The following TENM4 variants were observed in gnomAD, a reference collection of about 807,000 sequenced individuals.
The protein encoded by TENM4 is teneurin-4.
A neutral mutation model predicts 243.3 loss-of-function variants in TENM4; 82 were observed. That is an observed-to-expected ratio of 0.34 (90% CI 0.28 to 0.40). The LOEUF (loss-of-function observed/expected upper bound fraction) is 0.40, where lower values mean the gene tolerates loss of function less well. Among genes scored for constraint, TENM4 ranks in the 10% least tolerant of loss-of-function variants. The pLI is 1.00. For missense variants in TENM4, 3,138 were observed against 3,673.3 expected (o/e 0.85, Z 3.77); for synonymous variants, 1,412 against 1,456.3 (o/e 0.97, Z 0.69).
Position 78,855,986 on chromosome 11 carries a change from C to T in TENM4, c.1448G>A (p.Gly483Asp). Residue 483 changes from glycine (G) to aspartate (D), a missense_variant, in exon 11 of 34, where the codon GGC becomes GAC. By Grantham distance (94) the Gly-to-Asp change is moderately conservative. This residue lies in a region of TENM4 where 2,467 missense variants were observed against 3,059.1 expected (regional missense o/e 0.81). Transcript: ENST00000278550. ...AALVGIYGRK[G>D]LPPSHTQFDF... ...TACCTGTGTATGTGAAGGAGGGAGG[C>T]CTTTTCTGCCATAAATGCCAACCAG... 1 of 1,551,562 alleles carries T rather than the reference C, an allele frequency of 6.4e-7. No homozygotes were observed. Among genetic ancestry groups the T allele is most frequent in the Non-Finnish European group, 8.7e-7 (1 of 1,146,986 alleles).
At chr11:79,208,137 G>A (rs1863886008) in intron 3 of TENM4, among the ~76,000 whole-genome samples, 1 of 152,116 alleles carries the variant, frequency 6.6e-6, no homozygotes, top group African/African-American at 2.4e-5. Flanking sequence ...GTCTCTCAGA[G>A]CACGGGTCAT....
chr11:78,670,722 T>A (rs562015027), intron 31 of TENM4, among the ~76,000 whole-genome samples, 171 bp from the exon 32 acceptor site: 4 of 152,330 alleles, frequency 2.6e-5, no homozygotes, highest in African/African-American at 9.6e-5. Context: ...TGTCACGGGA[T>A]ACTGCAAATA....
intron 1 of TENM4, among the ~76,000 whole-genome samples, chr11:79,315,776 A>AT (rs1181208421): frequency 6.6e-6 from 1 of 152,268 alleles, no homozygotes; most frequent in Non-Finnish European, 1.5e-5. Context: ...GAGCTGTGAA[A>AT]TTAACTTAGA....
At chr11:78,893,608 G>C (rs1346588419) in intron 7 of TENM4, among the ~76,000 whole-genome samples, 6 of 151,948 alleles carry the variant, frequency 3.9e-5, no homozygotes, top group Admixed American at 1.3e-4. Flanking sequence ...GCTTTCCTCT[G>C]CCTCCCTCAA....
At chr11:79,343,351 G>T (rs1857273131) in intron 1 of TENM4, among the ~76,000 whole-genome samples, 1 of 152,178 alleles carries the variant, frequency 6.6e-6, no homozygotes, top group African/African-American at 2.4e-5. Context: ...AAGCAGCTTG[G>T]CCTACGGTTT....
At chr11:78,730,510 T>A (rs1442234150) in intron 21 of TENM4, among the ~76,000 whole-genome samples, 1 of 152,114 alleles carries the variant, frequency 6.6e-6, no homozygotes, top group East Asian at 1.9e-4. Context: ...CAGTGCCAGA[T>A]GGACAGAGTG....
chr11:78,903,397 G>A lies in TENM4; in HGVS notation c.620C>T (p.Pro207Leu). Residue 207 changes from proline (P) to leucine (L), a missense_variant, in exon 7 of 34, where the codon CCG becomes CTG. Pro to Leu is a moderately conservative substitution (Grantham distance 98). Around this residue, in one of 2 missense-constraint regions of TENM4, gnomAD observed 671 missense variants for 614.1 expected, o/e 1.09. Coordinates refer to ENST00000278550, the MANE Select transcript of TENM4 (RefSeq NM_001098816.3). ...INSLNRGNFTPRSNPSPAPTD... is the reference protein window; with the variant it reads ...INSLNRGNFTLRSNPSPAPTD... ...GGGGGCCGGGCTGGGGTTGCTCCTCGGCGTGAAGTTGCCCCGGTTCAGGGA... is the reference window on the plus strand; with the variant it reads ...GGGGGCCGGGCTGGGGTTGCTCCTCAGCGTGAAGTTGCCCCGGTTCAGGGA... The A allele has an allele frequency of 2.0e-6, 3 of 1,535,954 alleles. No homozygotes were observed. Among genetic ancestry groups the A allele is most frequent in the Non-Finnish European group, 2.6e-6 (3 of 1,139,002 alleles).
At chr11:78,707,229 G>A (rs1465530359) in intron 27 of TENM4, among the ~76,000 whole-genome samples, 1 of 152,216 alleles carries the variant, frequency 6.6e-6, no homozygotes, top group Non-Finnish European at 1.5e-5. Context: ...GTAACTCAAT[G>A]CTCCTGATTT....
chr11:79,439,216 C>T (rs1227974948), intron 1 of TENM4: 1 of 150,442 alleles, frequency 6.6e-6, no homozygotes, highest in Non-Finnish European at 1.5e-5. Context: ...GCTACAAACA[C>T]CAAGCCAGTA....
intron 19 of TENM4, chr11:78,756,545 T>G (rs1273386185): frequency 4.3e-6 from 2 of 460,186 alleles, no homozygotes; most frequent in East Asian, 8.4e-5. Flanking sequence ...CCCTTGGACC[T>G]TTGGTTTCTC....
At chr11:78,907,456 A>G (rs1207168811) in intron 6 of TENM4, among the ~76,000 whole-genome samples, 1 of 152,146 alleles carries the variant, frequency 6.6e-6, no homozygotes, top group African/African-American at 2.4e-5. Flanking sequence ...CAAGATAAAC[A>G]TGGCCTAAGA....
At chr11:79,135,951 T>C (rs1444713149) in intron 4 of TENM4, among the ~76,000 whole-genome samples, 1 of 151,682 alleles carries the variant, frequency 6.6e-6, no homozygotes. Flanking sequence ...AAACCAAACA[T>C]TGTATGTTCT....
chr11:78,927,355 G>A (rs138175860), intron 6 of TENM4, among the ~76,000 whole-genome samples: 2 of 152,290 alleles, frequency 1.3e-5, no homozygotes, highest in African/African-American at 4.8e-5. Flanking sequence ...GACAAAATTT[G>A]TAAGGAAAGT....
At chr11:78,672,751 G>A (rs896776766) in intron 30 of TENM4, among the ~76,000 whole-genome samples, 6 of 152,120 alleles carry the variant, frequency 3.9e-5, no homozygotes, top group African/African-American at 1.2e-4. Flanking sequence ...CAGACACTGC[G>A]GAGACCAAAG....
intron 10 of TENM4, among the ~76,000 whole-genome samples, chr11:78,860,381 AG>A (rs1429046522): frequency 1.3e-5 from 2 of 152,242 alleles, no homozygotes; most frequent in Non-Finnish European, 2.9e-5. Context: ...AATATAAAGC[AG>A]GGTCAGGATT....
chr11:78,847,659 C>A (rs1858430063), intron 12 of TENM4, among the ~76,000 whole-genome samples: 1 of 152,188 alleles, frequency 6.6e-6, no homozygotes, highest in Admixed American at 6.5e-5. Flanking sequence ...AGAAATTTCA[C>A]AAAGTGCTGC....
At chr11:78,818,961 T>TAA (rs11289313) in intron 12 of TENM4, among the ~76,000 whole-genome samples, 10 of 143,772 alleles carry the variant, frequency 7.0e-5, no homozygotes, top group African/African-American at 2.3e-4. Context: ...TGGGTCCTGG[T>TAA]AAAAAAAAAA....
rs543257864 is a variant in TENM4, at chr11:78,671,309, G to A, written c.5793+724C>T. 3.9e-5 allele frequency among the ~76,000 whole-genome samples: 6 copies of A among 152,150 alleles called. No individual in the cohort carries two copies. The East Asian group carries it at 5.8e-4, about 15-fold the overall frequency. On this transcript the variant is annotated intron_variant, in intron 31 of 33. Coordinates refer to ENST00000278550, the MANE Select transcript of TENM4 (RefSeq NM_001098816.3). ...GGTCTCTCTCTCTCTTAGTACTAGC[G>A]CAAAATGTCACTTTTGGGGGTACTC...
At chr11:79,135,757 G>GTATATATCATATATACATATATATGA (rs1862097839) in intron 4 of TENM4, among the ~76,000 whole-genome samples, 4 of 127,142 alleles carry the variant, frequency 3.1e-5, no homozygotes, top group Non-Finnish European at 6.2e-5. Context: ...ATACATATAT[G>GTATATATCATATATACATATATATGA]TATATATCAT....
Sources: allele counts gnomAD v4.1 joint callset (sites outside exome capture counted in the v4.1 genomes callset), GRCh38; gene constraint gnomAD v4.1.1; regional missense constraint gnomAD v4.1.1; transcripts MANE v1.5; gene names NCBI Gene and HGNC (gene_info 2026-07-23, HGNC 2026-07-21).